The following KRTAP4-3 variants were observed in gnomAD, a reference collection of about 807,000 sequenced individuals.
The protein encoded by KRTAP4-3 is keratin-associated protein 4-3.
Under a neutral mutation model 0.2 loss-of-function variants are expected in KRTAP4-3, and 2 were observed. That is an observed-to-expected ratio of 8.29 (90% CI 3.39 to 26.09). The LOEUF is 26.09. Ranked by LOEUF, KRTAP4-3 falls within the 30% of genes most tolerant of loss-of-function variation. The pLI is 0.03. For synonymous variants in KRTAP4-3, 65 were observed against 83.6 expected, an observed-to-expected ratio of 0.78 and a Z score of 1.21; for missense variants, 186 against 247.4, an observed-to-expected ratio of 0.75 and a Z score of 1.67.
chr17:41,167,875 A>G lies in KRTAP4-3; in HGVS notation c.298T>C (p.Cys100Arg), dbSNP rs762820553. 1 of 1,597,012 alleles carries G rather than the reference A, an allele frequency of 6.3e-7. No homozygotes were observed. Among genetic ancestry groups the G allele is most frequent in the East Asian group, 2.3e-5 (1 of 44,384 alleles). The change falls in exon 1 of 1, where the codon TGC becomes CGC. Residue 100 changes from cysteine to arginine, a missense_variant. Transcript: ENST00000391356. ...CTAGAAATGCAGCAGCTGGGGCGGCAGCAGGTGGTCCTGCAGCAGCTGGGT... is the reference window on the plus strand; with the variant it reads ...CTAGAAATGCAGCAGCTGGGGCGGCGGCAGGTGGTCCTGCAGCAGCTGGGT... Reference protein sequence around the residue: ...CKPSCCRTTCCRPSCCISSCC... With the variant: ...CKPSCCRTTCRRPSCCISSCC...
Position 41,167,585 on chromosome 17 carries a change from T to A in KRTAP4-3, c.588A>T (p.Ter196CysextTer30). The A allele has an allele frequency of 6.3e-7, 1 of 1,597,996 alleles. No individual in the cohort carries two copies. The highest frequency in any genetic ancestry group is 8.5e-7 in the Non-Finnish European group (1 of 1,169,628). Residue 196 changes from the stop codon to cysteine, a stop_lost, in exon 1 of 1, where the codon TGA becomes TGT. Transcript: ENST00000391356. ...GTGCACAAATCCAGAGCAGCTTCAC[T>A]CAGCAGCAAGAACTGCCGCAGCAGA... ...HPICCGSSCC[*>C]
rs955081937 is a variant in KRTAP4-3, at chr17:41,167,346, G to A, written c.*239C>T. The A allele has an allele frequency of 9.0e-6, 4 of 443,944 alleles. No homozygotes were observed. The highest frequency in any genetic ancestry group is 1.6e-5 in the Non-Finnish European group (4 of 252,634). 27.5% of individuals were successfully genotyped at this position (443,944 alleles called of 1,614,324 possible). Reference sequence around the variant, plus strand: ...AGAAGGATACCATTTGAAGATTTATGTATATTGAATTAGAATAAAGAATTC... The same window carrying A: ...AGAAGGATACCATTTGAAGATTTATATATATTGAATTAGAATAAAGAATTC... On this transcript the variant is annotated 3_prime_UTR_variant, in exon 1 of 1. Transcript: ENST00000391356.
chr17:41,167,413 A>G lies in KRTAP4-3; in HGVS notation c.*172T>C, dbSNP rs964818234. Reference sequence around the variant, plus strand: ...GAATTTGACTGTAAATTCAGATTCAATAGGAATAAAAACTTCTATAAAAGA... The same window carrying G: ...GAATTTGACTGTAAATTCAGATTCAGTAGGAATAAAAACTTCTATAAAAGA... On this transcript the variant is annotated 3_prime_UTR_variant, in exon 1 of 1. Transcript: ENST00000391356. 3.7e-6 allele frequency: 2 copies of G among 542,172 alleles called. No homozygotes were observed. The highest frequency in any genetic ancestry group is 6.5e-6 in the Non-Finnish European group (2 of 307,388). 33.6% of individuals were successfully genotyped at this position (542,172 alleles called of 1,614,324 possible). A position where few individuals can be genotyped will look rare whatever the true frequency, so the allele number is the denominator to read the frequency against.
Position 41,167,717 on chromosome 17 carries a change from CGGGCGGCAGCAGGA to C in KRTAP4-3, c.442_455del (p.Ser148GlyfsTer6). 6.2e-7 allele frequency: 1 copy of C among 1,613,638 alleles called. No individual in the cohort carries two copies. Among genetic ancestry groups the C allele is most frequent in the Non-Finnish European group, 8.5e-7 (1 of 1,179,834 alleles). On this transcript the variant is annotated frameshift_variant, in exon 1 of 1. Coordinates refer to ENST00000391356, the MANE Select transcript of KRTAP4-3 (RefSeq NM_033187.2). LOFTEE classifies it low-confidence loss of function (END_TRUNC). Reference sequence around the variant, plus strand: ...GACAGCAACTAGAAATGCAGCAAGCCGGGCGGCAGCAGGAGGGCTGGCAGCACTGGGGCCTGTAG... The same window carrying C: ...GACAGCAACTAGAAATGCAGCAAGCCGGGCTGGCAGCACTGGGGCCTGTAG...
At position 41,167,739 on chromosome 17, in the gene KRTAP4-3, C is replaced by T. The variant is rs2015061898; in HGVS notation, c.434G>A (p.Cys145Tyr). Residue 145 changes from cysteine (C) to tyrosine (Y), a missense_variant, in exon 1 of 1, where the codon TGC becomes TAC. Physicochemically the swap from Cys to Tyr is radical, Grantham distance 194. This residue lies in a region of KRTAP4-3 where 139 missense variants were observed against 128.3 expected (regional missense o/e 1.08). Coordinates refer to ENST00000391356, the MANE Select transcript of KRTAP4-3 (RefSeq NM_033187.2). ...AGCCGGGCGGCAGCAGGAGGGCTGG[C>T]AGCACTGGGGCCTGTAGCAGCTGGA... ...CISSCYRPQC[C>Y]QPSCCRPACC... is the part of the protein sequence containing the mutation. 6.2e-7 allele frequency: 1 copy of T among 1,613,764 alleles called. No individual in the cohort carries two copies. The highest frequency in any genetic ancestry group is 2.2e-5 in the East Asian group (1 of 44,878).
Position 41,167,704 on chromosome 17 carries a change from A to G in KRTAP4-3, c.469T>C (p.Ser157Pro). Residue 157 changes from serine to proline, a missense_variant, in exon 1 of 1, where the codon TCT (serine) becomes CCT (proline). Physicochemically the swap from Ser to Pro is moderately conservative, Grantham distance 74. Coordinates refer to ENST00000391356, the MANE Select transcript of KRTAP4-3 (RefSeq NM_033187.2). ...PSCCRPACCI[S>P]SCCHPSCCVS... Reference sequence around the variant, plus strand: ...CAGCAGCTGGGATGACAGCAACTAGAAATGCAGCAAGCCGGGCGGCAGCAG... The same window carrying G: ...CAGCAGCTGGGATGACAGCAACTAGGAATGCAGCAAGCCGGGCGGCAGCAG... The G allele has an allele frequency of 6.2e-7, 1 of 1,613,998 alleles. No individual in the cohort carries two copies. Among genetic ancestry groups the G allele is most frequent in the Non-Finnish European group, 8.5e-7 (1 of 1,179,962 alleles).
chr17:41,168,178 C>T lies in KRTAP4-3; in HGVS notation c.-6G>A, dbSNP rs944808909. The T allele has an allele frequency of 8.8e-6, 14 of 1,595,410 alleles. No individual in the cohort carries two copies. The highest frequency in any genetic ancestry group is 1.2e-5 in the Non-Finnish European group (14 of 1,168,840). ...CCACAGCAGGAGCTGACCATGGCGT[C>T]AGAGGGTGGAGGTTCTGGGTGGGTT... is the stretch of plus-strand genomic sequence containing the variant. On this transcript the variant is annotated 5_prime_UTR_variant, in exon 1 of 1. Coordinates refer to ENST00000391356, the MANE Select transcript of KRTAP4-3 (RefSeq NM_033187.2).
Position 41,167,385 on chromosome 17 carries a change from G to A in KRTAP4-3, c.*200C>T. 1 of 509,390 alleles carries A rather than the reference G, an allele frequency of 2.0e-6. No homozygotes were observed. The highest frequency in any genetic ancestry group is 4.3e-5 in the South Asian group (1 of 23,206). The allele number at this position is 509,390 out of a possible 1,614,324, so 31.6% of individuals were successfully genotyped here. On this transcript the variant is annotated 3_prime_UTR_variant, in exon 1 of 1. Transcript: ENST00000391356. ...AATAAAGAATTCTAAAACATGTGAT[G>A]TGGAATTTGACTGTAAATTCAGATT...
Position 41,167,502 on chromosome 17 carries a change from G to A in KRTAP4-3, c.*83C>T. The A allele has an allele frequency of 9.2e-7, 1 of 1,083,202 alleles. No homozygotes were observed. The highest frequency in any genetic ancestry group is 1.3e-6 in the Non-Finnish European group (1 of 743,622). 67.1% of individuals were successfully genotyped at this position (1,083,202 alleles called of 1,614,324 possible). The stretch of plus-strand genomic sequence containing the variant: ...GCCTCTGTTTTCACGACATCAGGAA[G>A]TCCACATGTTCTCTGAATAGATACT... On this transcript the variant is annotated 3_prime_UTR_variant, in exon 1 of 1. Transcript: ENST00000391356.
Position 41,167,529 on chromosome 17 carries a change from T to A in KRTAP4-3, c.*56A>T, listed in dbSNP as rs424617. 0.02 allele frequency: 26,919 copies of A among 1,370,810 alleles called. 4,181 individuals carry two copies. The African/African-American group carries it at 0.34, about 17-fold the overall frequency. 84.9% of individuals were successfully genotyped at this position (1,370,810 alleles called of 1,614,324 possible). A position where few individuals can be genotyped will look rare whatever the true frequency, so the allele number is the denominator to read the frequency against. ...CCACATGTTCTCTGAATAGATACTC[T>A]GTGCCTGAACTGAAGGTTGAGAGCA... On this transcript the variant is annotated 3_prime_UTR_variant, in exon 1 of 1. Coordinates refer to ENST00000391356, the MANE Select transcript of KRTAP4-3 (RefSeq NM_033187.2).
Position 41,167,417 on chromosome 17 carries a change from G to T in KRTAP4-3, c.*168C>A, listed in dbSNP as rs440681. ...TTGACTGTAAATTCAGATTCAATAG[G>T]AATAAAAACTTCTATAAAAGAGAAT... On this transcript the variant is annotated 3_prime_UTR_variant, in exon 1 of 1. Transcript: ENST00000391356. 0.036 allele frequency: 19,770 copies of T among 551,964 alleles called. 3,136 individuals carry two copies. Among genetic ancestry groups the T allele is most frequent in the African/African-American group, 0.33 (17,740 of 53,068 alleles). The allele number at this position is 551,964 out of a possible 1,614,324, so 34.2% of individuals were successfully genotyped here. A position where few individuals can be genotyped will look rare whatever the true frequency, so the allele number is the denominator to read the frequency against.
chr17:41,167,679 C>G lies in KRTAP4-3; in HGVS notation c.494G>C (p.Cys165Ser). Residue 165 changes from cysteine to serine, a missense_variant, in exon 1 of 1, where the codon TGT becomes TCT. Cys to Ser is a moderately radical substitution (Grantham distance 112). Transcript: ENST00000391356. ...CISSCCHPSC[C>S]VSSCRCPFSC... Reference sequence around the variant, plus strand: ...GAAAGGGCAGCGGCAGCTGGACACACAGCAGCTGGGATGACAGCAACTAGA... The same window carrying G: ...GAAAGGGCAGCGGCAGCTGGACACAGAGCAGCTGGGATGACAGCAACTAGA... The G allele has an allele frequency of 1.2e-6, 2 of 1,614,090 alleles. No homozygotes were observed. Among genetic ancestry groups the G allele is most frequent in the Non-Finnish European group, 1.7e-6 (2 of 1,179,996 alleles).
In KRTAP4-3 at chr17:41,167,717, C is replaced by T. The variant is rs748087913; in HGVS notation, c.456G>A (p.Pro152=). ...PQCCQPSCCR[P]ACCISSCCHP... ...GACAGCAACTAGAAATGCAGCAAGC[C>T]GGGCGGCAGCAGGAGGGCTGGCAGC... Residue 152 remains proline (P), a synonymous_variant, in exon 1 of 1, where the codon CCG becomes CCA. Coordinates refer to ENST00000391356, the MANE Select transcript of KRTAP4-3 (RefSeq NM_033187.2). 36 of 1,613,520 alleles carry T rather than the reference C, an allele frequency of 2.2e-5. No homozygotes were observed. Among genetic ancestry groups the T allele is most frequent in the Middle Eastern group, 1.6e-4 (1 of 6,064 alleles).
chr17:41,167,819 G>A lies in KRTAP4-3; in HGVS notation c.354C>T (p.Ser118=). The change falls in exon 1 of 1, where the codon AGC becomes AGT. Residue 118 remains serine, a synonymous_variant. Transcript: ENST00000391356. ...SCCRPSCCIS[S]CCKPSCCQTT... is the part of the protein sequence containing the mutation. ...TCTGGCAGCAGCTGGGTTTGCAACA[G>A]CTAGAGATACAGCAGGAAGGCCTGC... 1 of 1,602,536 alleles carries A rather than the reference G, an allele frequency of 6.2e-7. No homozygotes were observed. The highest frequency in any genetic ancestry group is 1.4e-5 in the African/African-American group (1 of 71,642).
chr17:41,168,061 T>C lies in KRTAP4-3; in HGVS notation c.112A>G (p.Thr38Ala), dbSNP rs1489624574. The C allele has an allele frequency of 3.5e-5, 56 of 1,612,562 alleles. No homozygotes were observed. The highest frequency in any genetic ancestry group is 4.7e-5 in the Non-Finnish European group (55 of 1,179,750). Residue 38 changes from threonine to alanine, a missense_variant, in exon 1 of 1, where the codon ACC (threonine) becomes GCC (alanine). Coordinates refer to ENST00000391356, the MANE Select transcript of KRTAP4-3 (RefSeq NM_033187.2). Reference protein sequence around the residue: ...SCCQTTCCRTTCCRPSCCISS... With the variant: ...SCCQTTCCRTACCRPSCCISS... ...ATGCAGCAGCTGGGGCGGCAGCAGG[T>C]GGTCCTGCAGCAGGTGGTCTGGCAG...
Position 41,167,696 on chromosome 17 carries a change from G to C in KRTAP4-3, c.477C>G (p.Cys159Trp). 6.2e-7 allele frequency: 1 copy of C among 1,613,934 alleles called. No individual in the cohort carries two copies. The highest frequency in any genetic ancestry group is 8.5e-7 in the Non-Finnish European group (1 of 1,179,918). The change falls in exon 1 of 1, where the codon TGC becomes TGG. Residue 159 changes from cysteine to tryptophan, a missense_variant. Physicochemically the swap from Cys to Trp is radical, Grantham distance 215 (BLOSUM62 -2). This residue lies in a region of KRTAP4-3 where 139 missense variants were observed against 128.3 expected (regional missense o/e 1.08). Coordinates refer to ENST00000391356, the MANE Select transcript of KRTAP4-3 (RefSeq NM_033187.2). ...CCRPACCISS[C>W]CHPSCCVSSC... The stretch of plus-strand genomic sequence containing the variant: ...TGGACACACAGCAGCTGGGATGACA[G>C]CAACTAGAAATGCAGCAAGCCGGGC...
chr17:41,167,665 G>C lies in KRTAP4-3; in HGVS notation c.508C>G (p.Arg170Gly). 2 of 1,613,916 alleles carry C rather than the reference G, an allele frequency of 1.2e-6. No individual in the cohort carries two copies. The highest frequency in any genetic ancestry group is 1.7e-6 in the Non-Finnish European group (2 of 1,179,882). ...GTGGTCGGGCAGCTGAAAGGGCAGCGGCAGCTGGACACACAGCAGCTGGGA... is the reference window on the plus strand; with the variant it reads ...GTGGTCGGGCAGCTGAAAGGGCAGCCGCAGCTGGACACACAGCAGCTGGGA... ...CHPSCCVSSC[R>G]CPFSCPTTCC... The change falls in exon 1 of 1, where the codon CGC (arginine) becomes GGC (glycine). Residue 170 changes from arginine to glycine, a missense_variant. Arg to Gly is a moderately radical substitution (Grantham distance 125). Transcript: ENST00000391356.
chr17:41,167,733 G>A lies in KRTAP4-3; in HGVS notation c.440C>T (p.Pro147Leu), dbSNP rs775542182. 12 of 1,613,872 alleles carry A rather than the reference G, an allele frequency of 7.4e-6. No homozygotes were observed. The South Asian group carries it at 1.2e-4, about 16-fold the overall frequency. ...GCAGCAAGCCGGGCGGCAGCAGGAG[G>A]GCTGGCAGCACTGGGGCCTGTAGCA... ...SSCYRPQCCQ[P>L]SCCRPACCIS... Residue 147 changes from proline (P) to leucine (L), a missense_variant, in exon 1 of 1, where the codon CCC becomes CTC. By Grantham distance (98) the Pro-to-Leu change is moderately conservative (BLOSUM62 -3). This residue lies in a region of KRTAP4-3 where 139 missense variants were observed against 128.3 expected (regional missense o/e 1.08). Coordinates refer to ENST00000391356, the MANE Select transcript of KRTAP4-3 (RefSeq NM_033187.2).
chr17:41,167,603 G>A lies in KRTAP4-3; in HGVS notation c.570C>T (p.Cys190=), dbSNP rs186248978. The A allele has an allele frequency of 5.3e-5, 85 of 1,606,572 alleles. No homozygotes were observed. The East Asian group carries it at 7.4e-4, about 14-fold the overall frequency. The change falls in exon 1 of 1, where the codon TGC becomes TGT. Residue 190 remains cysteine (C), a synonymous_variant. Transcript: ENST00000391356. ...GCTTCACTCAGCAGCAAGAACTGCC[G>A]CAGCAGATGGGGTGGAAGCAGGTTG... ...CRTTCFHPIC[C]GSSCC
Sources: allele counts gnomAD v4.1 joint callset, GRCh38; gene constraint gnomAD v4.1.1; regional missense constraint gnomAD v4.1.1; transcripts MANE v1.5; gene names NCBI Gene and HGNC (gene_info 2026-07-23, HGNC 2026-07-21).